Variants in ABLIM2 observed in about 807,000 individuals in gnomAD.
ABLIM2 encodes actin-binding LIM protein 2.
A neutral mutation model predicts 97.7 loss-of-function variants in ABLIM2; 53 were observed. The observed-to-expected ratio is 0.54, with a 90% CI of 0.44 to 0.68. The LOEUF (loss-of-function observed/expected upper bound fraction) is 0.68, where lower values mean the gene tolerates loss of function less well. ABLIM2 is among the 30% of genes least tolerant of loss of function. The pLI, the probability that ABLIM2 is intolerant of heterozygous loss-of-function variation, is 0.00. For missense variants in ABLIM2, 835 were observed against 867.2 expected (o/e 0.96, Z 0.47); for synonymous variants, 361 against 345.8 (o/e 1.04, Z -0.49).
intron 6 of ABLIM2, among the ~76,000 whole-genome samples, chr4:8,076,256 A>T (rs1815950639): frequency 1.3e-5 from 2 of 152,194 alleles, no homozygotes; most frequent in African/African-American, 4.8e-5. Flanking sequence ...GGCCAGGTCC[A>T]GCTCTCCGCC....
intron 1 of ABLIM2, among the ~76,000 whole-genome samples, chr4:8,154,281 C>CTTTTTT (rs34112937): frequency 5.2e-5 from 6 of 114,506 alleles, no homozygotes; most frequent in African/African-American, 1.1e-4. Flanking sequence ...CTTTTCTTTT[C>CTTTTTT]TTTTTTTTTT....
rs1762596167 is a variant in ABLIM2, at chr4:8,008,139, AG to A, written c.1537del (p.Leu513TrpfsTer84). 1 of 1,613,924 alleles carries A rather than the reference AG, an allele frequency of 6.2e-7. No individual in the cohort carries two copies. Among genetic ancestry groups the A allele is most frequent in the African/African-American group, 1.3e-5 (1 of 74,938 alleles). ...DADTRTNSPD[L>X]DTQSLSHSSG... ...GCTGTGGGACAAGGACTGGGTGTCC[AG>A]GTCTGGAGAATTGGTCCTTGTGTCT... is the stretch of plus-strand genomic sequence containing the variant. On this transcript the variant is annotated frameshift_variant, in exon 16 of 21. Coordinates refer to ENST00000447017, the MANE Select transcript of ABLIM2 (RefSeq NM_001130083.2). LOFTEE classifies it high-confidence loss of function.
rs2152957343 is a variant in ABLIM2, at chr4:8,150,547, GTCTC to G, written c.10+8129_10+8132del. Among the ~76,000 whole-genome samples, 1 of 152,320 alleles carries G rather than the reference GTCTC, an allele frequency of 6.6e-6. No individual in the cohort carries two copies. The highest frequency in any genetic ancestry group is 1.9e-4 in the East Asian group (1 of 5,188). ...CATTTCCAGATCGTCTCTCTAACTC[GTCTC>G]TCTAAGCACAGAGAAACCAAAGTCC... On this transcript the variant is annotated intron_variant, in intron 1 of 20. Transcript: ENST00000447017. The surrounding 1 kb of genome is among the most constrained non-coding windows in gnomAD (Gnocchi z 6.3).
rs1019982046 is a variant in ABLIM2 at position 7,998,870 on chromosome 4, C to T, written c.1619-5943G>A. ...CCTTTAGAGTTGTCCTGTGACCAAC[C>T]GTCTGCCGTATCATTTGCAGGTCCG... On this transcript the variant is annotated intron_variant, in intron 16 of 20. Transcript: ENST00000447017. This position sits in a 1 kb window ranked among gnomAD's most constrained non-coding sequence, Gnocchi z 6.4. Among the ~76,000 whole-genome samples, 19 of 152,132 alleles carry T rather than the reference C, an allele frequency of 1.2e-4. No homozygotes were observed. Among genetic ancestry groups the T allele is most frequent in the Non-Finnish European group, 2.2e-4 (15 of 68,016 alleles).
In ABLIM2 at chr4:8,149,880, G is replaced by A. The variant is rs1190554963; in HGVS notation, c.10+8800C>T. On this transcript the variant is annotated intron_variant, in intron 1 of 20. Transcript: ENST00000447017. The surrounding 1 kb of genome is among the most constrained non-coding windows in gnomAD (Gnocchi z 6.4). ...CCCCACACAGCCGGTCCCTCTGTGG[G>A]ACGATTCAGAGGCTCCCAGTGGGAC... Among the ~76,000 whole-genome samples the A allele has an allele frequency of 6.6e-6, 1 of 152,090 alleles. No individual in the cohort carries two copies. The highest frequency in any genetic ancestry group is 1.9e-4 in the East Asian group (1 of 5,152).
chr4:8,032,212 A>C lies in ABLIM2; in HGVS notation c.1048-2436T>G, dbSNP rs556370246. 2.0e-5 allele frequency among the ~76,000 whole-genome samples: 3 copies of C among 152,216 alleles called. No homozygotes were observed. The highest frequency in any genetic ancestry group is 6.5e-5 in the Admixed American group (1 of 15,294). Reference sequence around the variant, plus strand: ...ATTTTGAGAAACAGAAAAAAAAAAAAAAAACTAGACCACTAACAGTAAAAG... The same window carrying C: ...ATTTTGAGAAACAGAAAAAAAAAAACAAAACTAGACCACTAACAGTAAAAG... On this transcript the variant is annotated intron_variant, in intron 10 of 20. Transcript: ENST00000447017. The surrounding 1 kb of genome is among the most constrained non-coding windows in gnomAD (Gnocchi z 4.3).
chr4:7,987,256 G>A (rs1159571280), intron 17 of ABLIM2, among the ~76,000 whole-genome samples: 1 of 152,012 alleles, frequency 6.6e-6, no homozygotes, highest in East Asian at 1.9e-4. Context: ...GGGATTACAG[G>A]TATGAGCCAC....
chr4:7,978,851 C>T (rs988664318), intron 20 of ABLIM2, among the ~76,000 whole-genome samples: 1 of 152,220 alleles, frequency 6.6e-6, no homozygotes, highest in Non-Finnish European at 1.5e-5. Flanking sequence ...TTTGGGGTGC[C>T]TTCTCTGGCC....
chr4:7,989,125 C>A (rs1337251825), intron 17 of ABLIM2, among the ~76,000 whole-genome samples: 3 of 130,018 alleles, frequency 2.3e-5, no homozygotes, highest in Non-Finnish European at 4.6e-5. Context: ...TTGCCCCAGG[C>A]TGGAGTGCAG....
rs934156827 is a variant in ABLIM2 at position 8,128,732 on chromosome 4, G to A, written c.11-22095C>T. Among the ~76,000 whole-genome samples, 5 of 152,196 alleles carry A rather than the reference G, an allele frequency of 3.3e-5. No individual in the cohort carries two copies. Among genetic ancestry groups the A allele is most frequent in the Admixed American group, 2.6e-4 (4 of 15,286 alleles). Reference sequence around the variant, plus strand: ...CCTAAACCCCAGTGTGACAGGATTTGGAGGCGGGACCTTTGGGAGGAATTA... The same window carrying A: ...CCTAAACCCCAGTGTGACAGGATTTAGAGGCGGGACCTTTGGGAGGAATTA... On this transcript the variant is annotated intron_variant, in intron 1 of 20. Coordinates refer to ENST00000447017, the MANE Select transcript of ABLIM2 (RefSeq NM_001130083.2). This position sits in a 1 kb window ranked among gnomAD's most constrained non-coding sequence, Gnocchi z 4.9.
At chr4:8,074,473 G>A (rs939761036) in intron 6 of ABLIM2, among the ~76,000 whole-genome samples, 1 of 152,106 alleles carries the variant, frequency 6.6e-6, no homozygotes, top group African/African-American at 2.4e-5. Context: ...ATTTAAAAAA[G>A]CAAGATCCCA....
chr4:8,029,165 G>T (rs1028266361), intron 11 of ABLIM2, among the ~76,000 whole-genome samples: 1 of 152,214 alleles, frequency 6.6e-6, no homozygotes, highest in African/African-American at 2.4e-5. Context: ...CTCCCGTGAG[G>T]ACAGCTGTCA....
In ABLIM2 at chr4:8,061,522, T is replaced by A. The variant is rs570162214; in HGVS notation, c.676-468A>T. On this transcript the variant is annotated intron_variant, in intron 6 of 20. Transcript: ENST00000447017. This position sits in a 1 kb window ranked among gnomAD's most constrained non-coding sequence, Gnocchi z 4.5. The stretch of plus-strand genomic sequence containing the variant: ...GAATACTTTCCTTTTCACATCTCTG[T>A]ATTGCTCAGTATGTTCAATGAGCAT... Among the ~76,000 whole-genome samples, 1 of 152,286 alleles carries A rather than the reference T, an allele frequency of 6.6e-6. No homozygotes were observed. Among genetic ancestry groups the A allele is most frequent in the South Asian group, 2.1e-4 (1 of 4,832 alleles).
At position 7,966,063 on chromosome 4, in the gene ABLIM2, T is replaced by C. The variant is rs1032949543; in HGVS notation, c.*927A>G. 7.2e-5 allele frequency: 11 copies of C among 152,176 alleles called. No individual in the cohort carries two copies. Among genetic ancestry groups the C allele is most frequent in the Non-Finnish European group, 1.6e-4 (11 of 68,034 alleles). 9.4% of individuals were successfully genotyped at this position (152,176 alleles called of 1,614,324 possible). On this transcript the variant is annotated 3_prime_UTR_variant, in exon 21 of 21. Transcript: ENST00000447017. ...AACAGTGGTGGCTATACCTCACATG[T>C]ATTTACAAAGCGTTCTTTAGAGGGG...
At chr4:8,074,502 T>A (rs1348576999) in intron 6 of ABLIM2, among the ~76,000 whole-genome samples, 3 of 152,050 alleles carry the variant, frequency 2.0e-5, no homozygotes, top group Non-Finnish European at 1.5e-5. Flanking sequence ...CCTATCAAAT[T>A]GGCAAAGGTT....
At chr4:7,968,116 C>G (rs1577444387) in intron 20 of ABLIM2, among the ~76,000 whole-genome samples, 1 of 152,254 alleles carries the variant, frequency 6.6e-6, no homozygotes, top group South Asian at 2.1e-4. Flanking sequence ...GGATGCTTCC[C>G]TTTGCTCCCC....
At chr4:8,088,867 G>T (rs987795135) in intron 3 of ABLIM2, among the ~76,000 whole-genome samples, 1 of 152,154 alleles carries the variant, frequency 6.6e-6, no homozygotes, top group Non-Finnish European at 1.5e-5. Context: ...ACATGGATAC[G>T]AGTCAGAACC....
chr4:8,131,365 G>A (rs372336006), intron 1 of ABLIM2, among the ~76,000 whole-genome samples: 11 of 152,100 alleles, frequency 7.2e-5, no homozygotes, highest in African/African-American at 1.2e-4. Flanking sequence ...ACACTGCTGC[G>A]ACCCACTAAA....
At chr4:8,157,901 G>C (rs989199522) in intron 1 of ABLIM2, among the ~76,000 whole-genome samples, 1 of 152,268 alleles carries the variant, frequency 6.6e-6, no homozygotes, top group Non-Finnish European at 1.5e-5. Context: ...AGCCCGGTGC[G>C]GGCCCCAGGA....
Sources: allele counts gnomAD v4.1 joint callset (sites outside exome capture counted in the v4.1 genomes callset), GRCh38; gene constraint gnomAD v4.1.1; non-coding constraint Gnocchi (gnomAD v3.1); transcripts MANE v1.5; gene names NCBI Gene and HGNC (gene_info 2026-07-23, HGNC 2026-07-21).